SORL1: variants seen among roughly 807,000 people sequenced by gnomAD.
The protein encoded by SORL1 is sortilin related receptor 1.
Under a neutral mutation model 273.7 loss-of-function variants are expected in SORL1, and 127 were observed. The observed-to-expected ratio is 0.46, with a 90% CI of 0.40 to 0.54. The LOEUF is 0.54. SORL1 is among the 20% of genes least tolerant of loss of function. The pLI is 0.00. For missense variants in SORL1, 2,494 were observed against 2,846.1 expected (o/e 0.88, Z 2.81); for synonymous variants, 1,031 against 1,067.4 (o/e 0.97, Z 0.66).
At chr11:121,549,066 C>T (rs1406129857) in intron 14 of SORL1, among the ~76,000 whole-genome samples, 1 of 152,218 alleles carries the variant, frequency 6.6e-6, no homozygotes, top group Non-Finnish European at 1.5e-5. Flanking sequence ...AGGCCTCCTG[C>T]TTCCTACTCC....
chr11:121,577,601 C>T (rs914619424), intron 25 of SORL1, among the ~76,000 whole-genome samples: 3 of 152,238 alleles, frequency 2.0e-5, no homozygotes, highest in Non-Finnish European at 1.5e-5. Flanking sequence ...CTGCTTTCAA[C>T]TGATTAAACA....
chr11:121,617,238 T>C (rs1863655757), intron 41 of SORL1, among the ~76,000 whole-genome samples: 2 of 152,202 alleles, frequency 1.3e-5, no homozygotes, highest in South Asian at 4.1e-4. Flanking sequence ...GATCTAGCTA[T>C]GTTAATAGAG....
intron 23 of SORL1, among the ~76,000 whole-genome samples, chr11:121,572,293 C>G (rs1862855391): frequency 6.6e-6 from 1 of 152,204 alleles, no homozygotes; most frequent in East Asian, 1.9e-4. Flanking sequence ...CTTCCTCCCA[C>G]CCAGCCCCTG....
At position 121,584,891 on chromosome 11, in the gene SORL1, G is replaced by T. The variant is rs549629637; in HGVS notation, c.3706+1308G>T. Reference sequence around the variant, plus strand: ...TTATAGGCACGAGCCACTGCGCCTGGCCAGAACTGATTTTCAAGTCCAATG... The same window carrying T: ...TTATAGGCACGAGCCACTGCGCCTGTCCAGAACTGATTTTCAAGTCCAATG... On this transcript the variant is annotated intron_variant, in intron 26 of 47. Transcript: ENST00000260197. Among the ~76,000 whole-genome samples, 6 of 152,290 alleles carry T rather than the reference G, an allele frequency of 3.9e-5. No individual in the cohort carries two copies. In the South Asian group the frequency reaches 1.2e-3, roughly 32 times the overall value.
Position 121,497,035 on chromosome 11 carries a change from G to T in SORL1, c.925G>T (p.Ala309Ser), listed in dbSNP as rs1861642580. 6.2e-7 allele frequency: 1 copy of T among 1,613,424 alleles called. No individual in the cohort carries two copies. Among genetic ancestry groups the T allele is most frequent in the Admixed American group, 1.7e-5 (1 of 59,898 alleles). Residue 309 changes from alanine to serine, a missense_variant, in exon 6 of 48, where the codon GCT becomes TCT. Around this residue, in one of 3 missense-constraint regions of SORL1, gnomAD observed 710 missense variants for 882.5 expected, o/e 0.80. Coordinates refer to ENST00000260197, the MANE Select transcript of SORL1 (RefSeq NM_003105.6). ...TCAGCTTCGGGACAAGTACATGTTT[G>T]CTACAAAGGTGGTGGTAAGTTGAAT... ...DFQLRDKYMF[A>S]TKVVHLLGSE...
intron 22 of SORL1, among the ~76,000 whole-genome samples, chr11:121,567,531 C>T (rs1186053186): frequency 2.0e-5 from 3 of 152,164 alleles, no homozygotes; most frequent in East Asian, 1.9e-4. Flanking sequence ...TGACTCCTTC[C>T]GCGTTTACTC....
At chr11:121,530,987 A>G (rs942639478) in intron 11 of SORL1, among the ~76,000 whole-genome samples, 1 of 152,168 alleles carries the variant, frequency 6.6e-6, no homozygotes, top group Admixed American at 6.5e-5. Context: ...CTGTTATAAA[A>G]TTTGTTTGGT....
At chr11:121,532,686 A>AT in intron 12 of SORL1, 134 bp downstream of exon 12, 2 of 703,266 alleles carry the variant, frequency 2.8e-6, no homozygotes, top group Non-Finnish European at 4.7e-6. Flanking sequence ...TATGAGTTAA[A>AT]CTTTTTTTTT....
At chr11:121,497,530 A>T (rs1163174701) in intron 6 of SORL1, among the ~76,000 whole-genome samples, 3 of 152,214 alleles carry the variant, frequency 2.0e-5, no homozygotes, top group Middle Eastern at 3.2e-3. Flanking sequence ...GCTCTAAGAA[A>T]AGCAGTAATT....
chr11:121,590,066 T>C lies in SORL1; in HGVS notation c.4105T>C (p.Ser1369Pro). 4 of 1,614,122 alleles carry C rather than the reference T, an allele frequency of 2.5e-6. No individual in the cohort carries two copies. The highest frequency in any genetic ancestry group is 3.4e-6 in the Non-Finnish European group (4 of 1,180,002). Residue 1369 changes from serine (S) to proline (P), a missense_variant, in exon 30 of 48, where the codon TCC becomes CCC. Physicochemically the swap from Ser to Pro is moderately conservative, Grantham distance 74. This residue lies in a region of SORL1 where 1,609 missense variants were observed against 1,816.4 expected (regional missense o/e 0.89). Coordinates refer to ENST00000260197, the MANE Select transcript of SORL1 (RefSeq NM_003105.6). ...CENPTEAPNC[S>P]RYFQFRCENG... ...AAACCCCACAGAAGCCCCAAACTGCTCCCGCTACTTCCAGTTTCGGTGTGA... is the reference window on the plus strand; with the variant it reads ...AAACCCCACAGAAGCCCCAAACTGCCCCCGCTACTTCCAGTTTCGGTGTGA...
At position 121,631,537 on chromosome 11, in the gene SORL1, A is replaced by G. The variant is rs1863876849; in HGVS notation, c.*1974A>G. ...ATTTAATTGAACCACTAGGAAGTGT[A>G]TTTTCTTTTCTTTTTCTGCCAACTT... On this transcript the variant is annotated 3_prime_UTR_variant, in exon 48 of 48. Coordinates refer to ENST00000260197, the MANE Select transcript of SORL1 (RefSeq NM_003105.6). The G allele has an allele frequency of 6.6e-6, 1 of 152,086 alleles. No homozygotes were observed. 9.4% of individuals were successfully genotyped at this position (152,086 alleles called of 1,614,324 possible). A position where few individuals can be genotyped will look rare whatever the true frequency, so the allele number is the denominator to read the frequency against.
rs538042917 is a variant in SORL1, at chr11:121,563,991, T to G, written c.3050-2949T>G. On this transcript the variant is annotated intron_variant, in intron 21 of 47. Coordinates refer to ENST00000260197, the MANE Select transcript of SORL1 (RefSeq NM_003105.6). This position sits in a 1 kb window ranked among gnomAD's most constrained non-coding sequence, Gnocchi z 4.2. ...ACATTTTTGGCTCCTAAAGTATTCC[T>G]GGAGGAATTTTCCAAACAGGAAATG... 6.6e-6 allele frequency among the ~76,000 whole-genome samples: 1 copy of G among 152,362 alleles called. No individual in the cohort carries two copies. The highest frequency in any genetic ancestry group is 2.4e-5 in the African/African-American group (1 of 41,596).
chr11:121,595,743 G>T lies in SORL1; in HGVS notation c.4490G>T (p.Cys1497Phe), dbSNP rs1260402249. 6.2e-7 allele frequency: 1 copy of T among 1,613,736 alleles called. No homozygotes were observed. Among genetic ancestry groups the T allele is most frequent in the Non-Finnish European group, 8.5e-7 (1 of 1,180,036 alleles). ...AAGCGCTGTGACGGCCACCAAGATTGCCAGGATGGCCGGGACGAGGCCAAT... is the reference window on the plus strand; with the variant it reads ...AAGCGCTGTGACGGCCACCAAGATTTCCAGGATGGCCGGGACGAGGCCAAT... ...NWKRCDGHQD[C>F]QDGRDEANCP... The change falls in exon 32 of 48, where the codon TGC (cysteine) becomes TTC (phenylalanine). Residue 1497 changes from cysteine to phenylalanine, a missense_variant. Coordinates refer to ENST00000260197, the MANE Select transcript of SORL1 (RefSeq NM_003105.6). This position sits in a 1 kb window ranked among gnomAD's most constrained non-coding sequence, Gnocchi z 5.1.
At chr11:121,518,147 G>C (rs1011891824) in intron 8 of SORL1, among the ~76,000 whole-genome samples, 1 of 152,194 alleles carries the variant, frequency 6.6e-6, no homozygotes, top group Non-Finnish European at 1.5e-5. Context: ...CTTAGGGAGG[G>C]GCATGGGCCC....
rs781363569 is a variant in SORL1, at chr11:121,555,321, A to ATGTGTAT, written c.2571+5_2571+11dup. On this transcript the variant is annotated splice_donor_region_variant and intron_variant, in intron 18 of 47. Transcript: ENST00000260197. ...ATGCAGGCTTCAAAAAGATTGAGGT[A>ATGTGTAT]TGTGTATTTTCGTGCTGTTCTTAAT... The ATGTGTAT allele has an allele frequency of 2.2e-5, 35 of 1,613,384 alleles. No individual in the cohort carries two copies. In the South Asian group the frequency reaches 3.5e-4, roughly 16 times the overall value.
intron 7 of SORL1, 42 bp from the exon 8 acceptor site, chr11:121,514,110 A>G (rs766862672): frequency 1.9e-6 from 3 of 1,597,246 alleles, no homozygotes; most frequent in South Asian, 2.3e-5. Context: ...CACAGGGCAC[A>G]TTTGTTTTTT....
intron 21 of SORL1, among the ~76,000 whole-genome samples, chr11:121,561,856 G>A (rs990899811): frequency 6.6e-6 from 1 of 152,094 alleles, no homozygotes; most frequent in African/African-American, 2.4e-5. Flanking sequence ...CTTTGGTTGT[G>A]AGCAGGATAC....
At chr11:121,548,116 G>C (rs566459157) in intron 14 of SORL1, among the ~76,000 whole-genome samples, 1 of 152,138 alleles carries the variant, frequency 6.6e-6, no homozygotes, top group Admixed American at 6.5e-5. Context: ...ACATATGTAC[G>C]TGTAGATACA....
intron 11 of SORL1, among the ~76,000 whole-genome samples, chr11:121,525,810 C>T (rs1000602491): frequency 1.3e-5 from 2 of 152,058 alleles, no homozygotes; most frequent in Non-Finnish European, 2.9e-5. Context: ...GCACTTCGGA[C>T]GGCTGAGGTA....
Sources: gnomAD v4.1 joint callset for allele counts (sites outside exome capture counted in the v4.1 genomes callset) on GRCh38, gnomAD v4.1.1 for gene constraint, gnomAD v4.1.1 regional missense constraint, Gnocchi (gnomAD v3.1) non-coding constraint, MANE v1.5 for transcripts, NCBI Gene and HGNC (gene_info 2026-07-23, HGNC 2026-07-21) for gene names.